The following ZNRF3 variants were observed in gnomAD, a reference collection of about 807,000 sequenced individuals.
The protein encoded by ZNRF3 is E3 ubiquitin-protein ligase ZNRF3.
Under a neutral mutation model 72.5 loss-of-function variants are expected in ZNRF3, and 23 were observed. The observed-to-expected ratio is 0.32, with a 90% confidence interval of 0.23 to 0.45. The LOEUF (loss-of-function observed/expected upper bound fraction) is 0.45, where lower values mean the gene tolerates loss of function less well. Ranked by LOEUF, ZNRF3 falls within the 20% of genes least tolerant of loss-of-function variation. ZNRF3 has a pLI of 1.00. For missense variants in ZNRF3, 1,169 were observed against 1,272.1 expected (o/e 0.92, Z 1.23); for synonymous variants, 610 against 545.3 (o/e 1.12, Z -1.65).
intron 1 of ZNRF3, among the ~76,000 whole-genome samples, chr22:28,913,683 AGT>A (rs1191649505): frequency 2.6e-5 from 4 of 152,214 alleles, no homozygotes; most frequent in Non-Finnish European, 4.4e-5. Flanking sequence ...ACCAAGAAAC[AGT>A]GCTTCTCTTT....
Position 28,916,150 on chromosome 22 carries a change from C to T in ZNRF3, c.300+32084C>T, listed in dbSNP as rs574170440. On this transcript the variant is annotated intron_variant, in intron 1 of 8. Coordinates refer to ENST00000544604, the MANE Select transcript of ZNRF3 (RefSeq NM_001206998.2). ...CATCACAGCTCACTGCAGCCTCCCC[C>T]TCCTGGGCTCAAGCAATTCTTCCAC... 9.0e-4 allele frequency among the ~76,000 whole-genome samples: 137 copies of T among 152,324 alleles called. 2 individuals are homozygous for T. The South Asian group carries it at 0.023, about 26-fold the overall frequency.
rs1680799520 is a variant in ZNRF3 at position 28,937,357 on chromosome 22, A to G, written c.301-49719A>G. On this transcript the variant is annotated intron_variant, in intron 1 of 8. Coordinates refer to ENST00000544604, the MANE Select transcript of ZNRF3 (RefSeq NM_001206998.2). ...TGGTGGCTGCGGCTGGGGACTGGAC[A>G]GAACAGGTCAGTGTGAGCTTGAACT... Among the ~76,000 whole-genome samples, 8 of 151,494 alleles carry G rather than the reference A, an allele frequency of 5.3e-5. No individual in the cohort carries two copies. The South Asian group carries it at 1.7e-3, about 32-fold the overall frequency.
At chr22:29,002,756 G>T (rs1248273045) in intron 2 of ZNRF3, among the ~76,000 whole-genome samples, 1 of 152,140 alleles carries the variant, frequency 6.6e-6, no homozygotes, top group East Asian at 1.9e-4. Flanking sequence ...ACCTTCTGTT[G>T]AATTCTACCT....
intron 1 of ZNRF3, among the ~76,000 whole-genome samples, chr22:28,901,617 A>AATAAATGAT (rs1185276524): frequency 2.1e-5 from 3 of 144,068 alleles, no homozygotes; most frequent in Non-Finnish European, 4.5e-5. Context: ...GGGGGCATGT[A>AATAAATGAT]ATAAATGATG....
At chr22:29,002,223 A>G (rs998140978) in intron 2 of ZNRF3, among the ~76,000 whole-genome samples, 1 of 152,184 alleles carries the variant, frequency 6.6e-6, no homozygotes, top group Non-Finnish European at 1.5e-5. Flanking sequence ...GCCACTGCCA[A>G]ATCTCCTCCC....
intron 2 of ZNRF3, among the ~76,000 whole-genome samples, chr22:29,004,828 C>T (rs750757616): frequency 1.6e-4 from 25 of 152,116 alleles, no homozygotes; most frequent in East Asian, 3.9e-4. Context: ...GCCAAAGGCC[C>T]GACTCTACTG....
chr22:29,035,951 CCCT>C (rs1339354504), intron 2 of ZNRF3, among the ~76,000 whole-genome samples: 11 of 152,116 alleles, frequency 7.2e-5, no homozygotes, highest in Non-Finnish European at 2.9e-5. Flanking sequence ...GAGCGATCCT[CCCT>C]CCTCAGCCTC....
chr22:29,009,371 G>T (rs955182863), intron 2 of ZNRF3, among the ~76,000 whole-genome samples: 1 of 152,118 alleles, frequency 6.6e-6, no homozygotes, highest in Admixed American at 6.5e-5. Flanking sequence ...AGGTCCCCTT[G>T]ATAAGGAAGG....
At chr22:29,033,741 C>G (rs1449977294) in intron 2 of ZNRF3, among the ~76,000 whole-genome samples, 3 of 152,112 alleles carry the variant, frequency 2.0e-5, no homozygotes, top group Non-Finnish European at 4.4e-5. Context: ...GCAGTTTTGA[C>G]TTTGCCCCAT....
intron 1 of ZNRF3, among the ~76,000 whole-genome samples, chr22:28,985,751 G>T (rs2035845627): frequency 6.6e-6 from 1 of 152,170 alleles, no homozygotes; most frequent in South Asian, 2.1e-4. Context: ...AAACAAGTAG[G>T]GGATAATGTG....
At chr22:29,013,200 A>G (rs1439879483) in intron 2 of ZNRF3, among the ~76,000 whole-genome samples, 1 of 152,192 alleles carries the variant, frequency 6.6e-6, no homozygotes, top group Non-Finnish European at 1.5e-5. Context: ...GTTAGCTTTC[A>G]GGGAATCCCA....
Position 29,049,975 on chromosome 22 carries a change from C to T in ZNRF3, c.1794C>T (p.Ile598=). 1.2e-6 allele frequency: 2 copies of T among 1,612,338 alleles called. No individual in the cohort carries two copies. Among genetic ancestry groups the T allele is most frequent in the Non-Finnish European group, 1.7e-6 (2 of 1,179,788 alleles). ...TCAGCAGCGACTATGACCCCTTCAT[C>T]TACCGCAGCCGGAGCCCCTGTCGTG... ...SSLSSDYDPF[I]YRSRSPCRAS... Residue 598 remains isoleucine (I), a synonymous_variant, in exon 8 of 9, where the codon ATC becomes ATT. Transcript: ENST00000544604. The surrounding 1 kb of genome is among the most constrained non-coding windows in gnomAD (Gnocchi z 5.2).
intron 1 of ZNRF3, among the ~76,000 whole-genome samples, chr22:28,958,789 C>T (rs1330758234): frequency 1.3e-5 from 2 of 152,322 alleles, no homozygotes; most frequent in East Asian, 3.9e-4. Context: ...AGACATACTT[C>T]CCAGTTCAGC....
At chr22:28,909,378 G>A (rs2034273265) in intron 1 of ZNRF3, among the ~76,000 whole-genome samples, 1 of 152,008 alleles carries the variant, frequency 6.6e-6, no homozygotes, top group Non-Finnish European at 1.5e-5. Flanking sequence ...GGGGCGTGTT[G>A]GGCCTGTTTA....
chr22:29,046,777 C>A lies in ZNRF3; in HGVS notation c.806C>A (p.Ser269Tyr). ...AAGATGGAAACCAGAAAGTTCAACT[C>A]CAAGAGCAAGGGGCGCCGGGAGGGG... ...LEKMETRKFN[S>Y]KSKGRREGSC... Residue 269 changes from serine to tyrosine, a missense_variant, in exon 6 of 9, where the codon TCC becomes TAC. Transcript: ENST00000544604. The A allele has an allele frequency of 6.2e-7, 1 of 1,612,140 alleles. No homozygotes were observed.
intron 2 of ZNRF3, among the ~76,000 whole-genome samples, chr22:29,027,458 AGGCT>A (rs2036661229): frequency 6.6e-6 from 1 of 152,124 alleles, no homozygotes; most frequent in South Asian, 2.1e-4. Context: ...CATGTTGGCC[AGGCT>A]GGTCTCGAAC....
intron 2 of ZNRF3, among the ~76,000 whole-genome samples, chr22:29,010,891 A>G (rs967482031): frequency 2.6e-5 from 4 of 152,066 alleles, no homozygotes; most frequent in South Asian, 2.1e-4. Context: ...CTGATCTCCA[A>G]CTGCTGACCT....
intron 1 of ZNRF3, among the ~76,000 whole-genome samples, chr22:28,984,095 A>T (rs2035812468): frequency 6.6e-6 from 1 of 151,718 alleles, no homozygotes; most frequent in Non-Finnish European, 1.5e-5. Context: ...GTCATTCCTG[A>T]GTAAGCTCTT....
intron 2 of ZNRF3, among the ~76,000 whole-genome samples, chr22:29,022,749 T>A (rs2036562452): frequency 6.6e-6 from 1 of 152,202 alleles, no homozygotes; most frequent in Non-Finnish European, 1.5e-5. Flanking sequence ...TGAACTCAAT[T>A]GGTATATTTG....
Sources: allele counts gnomAD v4.1 joint callset (sites outside exome capture counted in the v4.1 genomes callset), GRCh38; gene constraint gnomAD v4.1.1; non-coding constraint Gnocchi (gnomAD v3.1); transcripts MANE v1.5; gene names NCBI Gene and HGNC (gene_info 2026-07-23, HGNC 2026-07-21).